KIRREL3: variants seen among roughly 807,000 people sequenced by gnomAD.
KIRREL3 encodes the protein kin of IRRE-like protein 3.
A neutral mutation model predicts 89.7 loss-of-function variants in KIRREL3; 36 were observed. That is an observed-to-expected ratio of 0.40 (90% CI 0.31 to 0.53). KIRREL3 has a LOEUF of 0.53. Among genes scored for constraint, KIRREL3 ranks in the 20% least tolerant of loss-of-function variants. The probability of loss-of-function intolerance (pLI) is 0.49; values close to 1 mark genes in which losing one functional copy is unlikely to be tolerated. For missense variants in KIRREL3, 864 were observed against 1,056.6 expected (o/e 0.82, Z 2.53); for synonymous variants, 445 against 441.4 (o/e 1.01, Z -0.10).
chr11:126,741,642 A>T (rs933311752), intron 1 of KIRREL3, among the ~76,000 whole-genome samples: 1 of 152,250 alleles, frequency 6.6e-6, no homozygotes, highest in Non-Finnish European at 1.5e-5. Flanking sequence ...ATAAGTTGAA[A>T]AGGGATATTC....
chr11:126,960,996 T>C (rs1949068473), intron 1 of KIRREL3, among the ~76,000 whole-genome samples: 1 of 152,182 alleles, frequency 6.6e-6, no homozygotes. Flanking sequence ...TGTAATTGTT[T>C]TGGGGTGCCA....
At position 126,579,062 on chromosome 11, in the gene KIRREL3, G is replaced by A. The variant is rs1479849279; in HGVS notation, c.56-16150C>T. Among the ~76,000 whole-genome samples, 3 of 152,022 alleles carry A rather than the reference G, an allele frequency of 2.0e-5. No individual in the cohort carries two copies. The highest frequency in any genetic ancestry group is 7.2e-5 in the African/African-American group (3 of 41,392). Reference sequence around the variant, plus strand: ...AACCCAAAGCCCGTGCTCTGTCCGTGTGCTGCCTCCGAGAAGCCATGGCCA... The same window carrying A: ...AACCCAAAGCCCGTGCTCTGTCCGTATGCTGCCTCCGAGAAGCCATGGCCA... On this transcript the variant is annotated intron_variant, in intron 1 of 16. Transcript: ENST00000525144. This position sits in a 1 kb window ranked among gnomAD's most constrained non-coding sequence, Gnocchi z 5.3.
chr11:126,564,015 C>T lies in KIRREL3; in HGVS notation c.56-1103G>A, dbSNP rs1158757266. Among the ~76,000 whole-genome samples, 9 of 152,304 alleles carry T rather than the reference C, an allele frequency of 5.9e-5. No homozygotes were observed. The highest frequency in any genetic ancestry group is 7.3e-5 in the Non-Finnish European group (5 of 68,032). On this transcript the variant is annotated intron_variant, in intron 1 of 16. Transcript: ENST00000525144. This position sits in a 1 kb window ranked among gnomAD's most constrained non-coding sequence, Gnocchi z 7.4. ...CCCACCTTGTAGCATAGAAGTCTTA[C>T]AAATGTGTCAGCTGCCACAAACTTG... is the stretch of plus-strand genomic sequence containing the variant.
rs1945968604 is a variant in KIRREL3 at position 126,892,606 on chromosome 11, G to T, written c.55+107849C>A. 6.6e-6 allele frequency among the ~76,000 whole-genome samples: 1 copy of T among 152,222 alleles called. No homozygotes were observed. Among genetic ancestry groups the T allele is most frequent in the Non-Finnish European group, 1.5e-5 (1 of 68,042 alleles). ...GCTCTGTGCACGTGTGTGTGCATGT[G>T]CACGTGTGTATGTATTATGTGTGTG... On this transcript the variant is annotated intron_variant, in intron 1 of 16. Transcript: ENST00000525144. This position sits in a 1 kb window ranked among gnomAD's most constrained non-coding sequence, Gnocchi z 5.4.
intron 1 of KIRREL3, among the ~76,000 whole-genome samples, chr11:126,663,373 G>A (rs1246393429): frequency 6.6e-6 from 1 of 151,912 alleles, no homozygotes. Context: ...TTTTAGTAGA[G>A]ACGGGGTTTC....
intron 1 of KIRREL3, among the ~76,000 whole-genome samples, chr11:126,657,876 C>T (rs187886160): frequency 5.9e-5 from 9 of 152,214 alleles, no homozygotes; most frequent in South Asian, 2.1e-4. Context: ...TGCTATCTAC[C>T]GGAAGAGACA....
In KIRREL3 at chr11:126,578,647, G is replaced by A. The variant is rs1275224189; in HGVS notation, c.56-15735C>T. ...GCTGTCTGCTCAGGTCCTGGGGGAGGGACTCAGAATCCGCCTCACACCCAT... is the reference window on the plus strand; with the variant it reads ...GCTGTCTGCTCAGGTCCTGGGGGAGAGACTCAGAATCCGCCTCACACCCAT... On this transcript the variant is annotated intron_variant, in intron 1 of 16. Coordinates refer to ENST00000525144, the MANE Select transcript of KIRREL3 (RefSeq NM_032531.4). This position sits in a 1 kb window ranked among gnomAD's most constrained non-coding sequence, Gnocchi z 4.9. Among the ~76,000 whole-genome samples the A allele has an allele frequency of 6.6e-6, 1 of 152,058 alleles. No individual in the cohort carries two copies. Among genetic ancestry groups the A allele is most frequent in the Non-Finnish European group, 1.5e-5 (1 of 68,018 alleles).
rs1049866368 is a variant in KIRREL3, at chr11:126,515,453, A to G, written c.433+5862T>C. Among the ~76,000 whole-genome samples the G allele has an allele frequency of 1.3e-5, 2 of 152,172 alleles. No individual in the cohort carries two copies. Among genetic ancestry groups the G allele is most frequent in the Admixed American group, 6.5e-5 (1 of 15,282 alleles). On this transcript the variant is annotated intron_variant, in intron 4 of 16. Transcript: ENST00000525144. This position sits in a 1 kb window ranked among gnomAD's most constrained non-coding sequence, Gnocchi z 4.2. The stretch of plus-strand genomic sequence containing the variant: ...TGACAGAGCAAGACCCTGACTCAAA[A>G]AAAAGATGCCTAAGGAAGTGAAAAG...
At position 126,806,432 on chromosome 11, in the gene KIRREL3, A is replaced by G. The variant is rs373375521; in HGVS notation, c.55+194023T>C. ...AGGAGAATTAGTCCTCTTCAGTCCTAAGATTCTATAATTCCATGACAGGGA... is the reference window on the plus strand; with the variant it reads ...AGGAGAATTAGTCCTCTTCAGTCCTGAGATTCTATAATTCCATGACAGGGA... On this transcript the variant is annotated intron_variant, in intron 1 of 16. Coordinates refer to ENST00000525144, the MANE Select transcript of KIRREL3 (RefSeq NM_032531.4). Among the ~76,000 whole-genome samples the G allele has an allele frequency of 3.3e-5, 5 of 152,308 alleles. No homozygotes were observed. The East Asian group carries it at 5.8e-4, about 18-fold the overall frequency.
chr11:126,604,626 T>A (rs1255561768), intron 1 of KIRREL3, among the ~76,000 whole-genome samples: 1 of 152,172 alleles, frequency 6.6e-6, no homozygotes, highest in Non-Finnish European at 1.5e-5. Flanking sequence ...TACAGGTGTG[T>A]CCTGTGGGCC....
rs1476524304 is a variant in KIRREL3 at position 126,627,625 on chromosome 11, G to A, written c.56-64713C>T. Among the ~76,000 whole-genome samples the A allele has an allele frequency of 1.3e-5, 2 of 152,194 alleles. No homozygotes were observed. The highest frequency in any genetic ancestry group is 6.5e-5 in the Admixed American group (1 of 15,288). On this transcript the variant is annotated intron_variant, in intron 1 of 16. Coordinates refer to ENST00000525144, the MANE Select transcript of KIRREL3 (RefSeq NM_032531.4). The surrounding 1 kb of genome is among the most constrained non-coding windows in gnomAD (Gnocchi z 5.0). ...ATTAACATGTCTTGTCAGGTCCAGC[G>A]GTTGGCTTTAGTAAATATGCCTCAA...
intron 1 of KIRREL3, among the ~76,000 whole-genome samples, chr11:126,899,337 A>G (rs1385665713): frequency 6.6e-6 from 1 of 152,220 alleles, no homozygotes; most frequent in East Asian, 1.9e-4. Flanking sequence ...GAGGTCATCA[A>G]AGTCATTTGC....
At chr11:126,878,402 G>T (rs1333466460) in intron 1 of KIRREL3, among the ~76,000 whole-genome samples, 1 of 152,048 alleles carries the variant, frequency 6.6e-6, no homozygotes, top group Admixed American at 6.6e-5. Context: ...TTACTCCTGG[G>T]GGAGGGAGCA....
chr11:126,444,229 A>G (rs953989847), intron 10 of KIRREL3, among the ~76,000 whole-genome samples: 2 of 152,128 alleles, frequency 1.3e-5, no homozygotes, highest in Admixed American at 1.3e-4. Flanking sequence ...CCCTGCCCTC[A>G]AGGGGGCCCC....
intron 1 of KIRREL3, among the ~76,000 whole-genome samples, chr11:126,698,252 C>G (rs781425902): frequency 6.6e-6 from 1 of 152,206 alleles, no homozygotes; most frequent in Non-Finnish European, 1.5e-5. Context: ...ACCACGTTCT[C>G]ATGCTCACGG....
In KIRREL3 at chr11:126,531,801, G is replaced by T. The variant is rs957264257; in HGVS notation, c.134-5114C>A. On this transcript the variant is annotated intron_variant, in intron 2 of 16. Transcript: ENST00000525144. This position sits in a 1 kb window ranked among gnomAD's most constrained non-coding sequence, Gnocchi z 4.7. ...CAGTGTACACTTCTTGAGGGCAGGG[G>T]CCACAGCTATCTTTTCTGTCTTGTG... 2.6e-5 allele frequency among the ~76,000 whole-genome samples: 4 copies of T among 152,202 alleles called. No individual in the cohort carries two copies. The highest frequency in any genetic ancestry group is 9.7e-5 in the African/African-American group (4 of 41,440).
chr11:126,853,092 G>T (rs1272050103), intron 1 of KIRREL3, among the ~76,000 whole-genome samples: 2 of 151,826 alleles, frequency 1.3e-5, no homozygotes, highest in Non-Finnish European at 2.9e-5. Context: ...TTTTTAAAAT[G>T]GGAAAAATAC....
chr11:126,876,149 C>A lies in KIRREL3; in HGVS notation c.55+124306G>T, dbSNP rs748562537. Reference sequence around the variant, plus strand: ...TCTTCAGAACTTTCTGGCCCCAATACTACTAGCTCAACAGACAACTGAAAT... The same window carrying A: ...TCTTCAGAACTTTCTGGCCCCAATAATACTAGCTCAACAGACAACTGAAAT... On this transcript the variant is annotated intron_variant, in intron 1 of 16. Transcript: ENST00000525144. The surrounding 1 kb of genome is among the most constrained non-coding windows in gnomAD (Gnocchi z 4.1). Among the ~76,000 whole-genome samples, 22 of 152,178 alleles carry A rather than the reference C, an allele frequency of 1.4e-4. No homozygotes were observed. The highest frequency in any genetic ancestry group is 2.5e-4 in the Non-Finnish European group (17 of 68,032).
At chr11:126,975,906 T>TCCCCCCTCCCTTCCTC (rs1565470884) in intron 1 of KIRREL3, among the ~76,000 whole-genome samples, 1 of 56,336 alleles carries the variant, frequency 1.8e-5, no homozygotes, top group African/African-American at 7.1e-5. Flanking sequence ...CTCCCTCCCT[T>TCCCCCCTCCCTTCCTC]CCTCCCTCCC....
Sources: gnomAD v4.1 joint callset for allele counts (sites outside exome capture counted in the v4.1 genomes callset) on GRCh38, gnomAD v4.1.1 for gene constraint, Gnocchi (gnomAD v3.1) non-coding constraint, MANE v1.5 for transcripts, NCBI Gene and HGNC (gene_info 2026-07-23, HGNC 2026-07-21) for gene names.